The following COL4A2 variants were observed in gnomAD, a reference collection of about 807,000 sequenced individuals.
COL4A2 encodes collagen alpha-2(IV) chain.
A neutral mutation model predicts 200.2 loss-of-function variants in COL4A2; 99 were observed. The observed-to-expected ratio is 0.49, with a 90% CI of 0.42 to 0.58. The LOEUF is 0.58. Among genes scored for constraint, COL4A2 ranks in the 20% least tolerant of loss-of-function variants. COL4A2 has a pLI of 0.00. For synonymous variants in COL4A2, 897 were observed against 900.6 expected, an observed-to-expected ratio of 1.00 and a Z score of 0.07; for missense variants, 1,950 against 2,314.1, an observed-to-expected ratio of 0.84 and a Z score of 3.23.
chr13:110,444,474 A>T (rs767352309), intron 16 of COL4A2, among the ~76,000 whole-genome samples: 53 of 152,180 alleles, frequency 3.5e-4, no homozygotes, highest in Non-Finnish European at 3.1e-4. Flanking sequence ...AAAATCACAG[A>T]AGTTTGTCTT....
intron 34 of COL4A2, among the ~76,000 whole-genome samples, chr13:110,486,790 C>G (rs1016238354): frequency 6.6e-6 from 1 of 151,962 alleles, no homozygotes; most frequent in Non-Finnish European, 1.5e-5. Context: ...GAGTGGGGGT[C>G]ACAAGGTGCT....
chr13:110,509,185 A>G (rs1360064151), intron 47 of COL4A2, among the ~76,000 whole-genome samples: 1 of 148,966 alleles, frequency 6.7e-6, no homozygotes, highest in African/African-American at 2.5e-5. Flanking sequence ...TATATGCATT[A>G]TAACTGTCAT....
intron 26 of COL4A2, 56 bp from the exon 27 acceptor site, chr13:110,466,984 G>T (rs541012631): frequency 1.7e-5 from 28 of 1,611,298 alleles, no homozygotes; most frequent in Non-Finnish European, 2.3e-5. Context: ...CCCCAAGGCC[G>T]TGGGACTCAG....
chr13:110,448,737 G>A (rs1374042504), intron 18 of COL4A2, among the ~76,000 whole-genome samples: 4 of 152,230 alleles, frequency 2.6e-5, no homozygotes, highest in Non-Finnish European at 5.9e-5. Flanking sequence ...GCTAACAGGA[G>A]TGTAGGTCAC....
intron 40 of COL4A2, among the ~76,000 whole-genome samples, chr13:110,501,400 G>A (rs1883634765): frequency 6.6e-6 from 1 of 152,150 alleles, no homozygotes; most frequent in African/African-American, 2.4e-5. Context: ...GGGAAGTCGA[G>A]CACAGGCAGA....
chr13:110,498,899 C>T (rs990689956), intron 40 of COL4A2, among the ~76,000 whole-genome samples: 3 of 152,330 alleles, frequency 2.0e-5, no homozygotes, highest in East Asian at 3.9e-4. Context: ...AGCCACCGTG[C>T]GGCATGCTGA....
At chr13:110,371,587 A>G (rs1878010327) in intron 4 of COL4A2, among the ~76,000 whole-genome samples, 1 of 152,128 alleles carries the variant, frequency 6.6e-6, no homozygotes, top group Non-Finnish European at 1.5e-5. Context: ...ATTAGAAGAC[A>G]CTGTTGCTTT....
Position 110,444,645 on chromosome 13 carries a change from CAG to C in COL4A2, c.958-1180_958-1179del, listed in dbSNP as rs1881256312. Among the ~76,000 whole-genome samples, 3 of 152,300 alleles carry C rather than the reference CAG, an allele frequency of 2.0e-5. No individual in the cohort carries two copies. The East Asian group carries it at 5.8e-4, about 29-fold the overall frequency. ...GTGTCAAGATAACCTCGAAAGTAAT[CAG>C]AGAATGGACCTTTCTTATACCTGTG... On this transcript the variant is annotated intron_variant, in intron 16 of 47. Coordinates refer to ENST00000360467, the MANE Select transcript of COL4A2 (RefSeq NM_001846.4).
chr13:110,358,622 T>C (rs956482377), intron 4 of COL4A2, among the ~76,000 whole-genome samples: 2 of 152,174 alleles, frequency 1.3e-5, no homozygotes, highest in African/African-American at 4.8e-5. Context: ...CACAAACATG[T>C]GGGTTATGCG....
rs530895532 is a variant in COL4A2 at position 110,448,340 on chromosome 13, T to C, written c.1079-1339T>C. Reference sequence around the variant, plus strand: ...CTCCCTTCTCACCGTACTATATTCCTGGAATTCACACTGCAAAGGCGGGTG... The same window carrying C: ...CTCCCTTCTCACCGTACTATATTCCCGGAATTCACACTGCAAAGGCGGGTG... On this transcript the variant is annotated intron_variant, in intron 18 of 47. Transcript: ENST00000360467. 1.6e-4 allele frequency among the ~76,000 whole-genome samples: 24 copies of C among 152,364 alleles called. No individual in the cohort carries two copies. In the South Asian group the frequency reaches 4.3e-3, roughly 28 times the overall value.
intron 4 of COL4A2, among the ~76,000 whole-genome samples, chr13:110,406,865 G>T (rs1371500461): frequency 6.6e-6 from 1 of 152,164 alleles, no homozygotes; most frequent in African/African-American, 2.4e-5. Context: ...AACATTTGAG[G>T]ACTGGTAAAC....
intron 4 of COL4A2, among the ~76,000 whole-genome samples, chr13:110,420,612 A>C (rs1440814920): frequency 6.6e-6 from 1 of 152,228 alleles, no homozygotes; most frequent in African/African-American, 2.4e-5. Flanking sequence ...TTTTATTTTT[A>C]ATGTCACTTA....
chr13:110,316,086 A>C lies in COL4A2; in HGVS notation c.99+7963A>C, dbSNP rs551779392. ...GCATTTTTTCCTAGGGATTGTTTCA[A>C]CCCCACCCATAGAATTCCTGTTTTG... On this transcript the variant is annotated intron_variant, in intron 3 of 47. Transcript: ENST00000360467. Among the ~76,000 whole-genome samples, 3 of 152,108 alleles carry C rather than the reference A, an allele frequency of 2.0e-5. No individual in the cohort carries two copies. In the South Asian group the frequency reaches 6.2e-4, roughly 32 times the overall value.
intron 3 of COL4A2, among the ~76,000 whole-genome samples, chr13:110,322,801 T>C (rs1324612694): frequency 6.6e-6 from 1 of 152,186 alleles, no homozygotes; most frequent in Non-Finnish European, 1.5e-5. Context: ...CACAGGACCT[T>C]CACATAGATG....
chr13:110,323,701 G>A (rs1885336632), intron 3 of COL4A2, among the ~76,000 whole-genome samples: 1 of 152,206 alleles, frequency 6.6e-6, no homozygotes, highest in Non-Finnish European at 1.5e-5. Context: ...ACAGGCCCCA[G>A]GTGGCTCCCT....
intron 4 of COL4A2, among the ~76,000 whole-genome samples, chr13:110,418,237 T>C (rs369742038): frequency 7.2e-5 from 11 of 152,372 alleles, no homozygotes; most frequent in African/African-American, 2.4e-4. Flanking sequence ...TCTTTAGTAT[T>C]GAGTTTTGAG....
chr13:110,403,362 A>G (rs1879444964), intron 4 of COL4A2, among the ~76,000 whole-genome samples: 1 of 152,300 alleles, frequency 6.6e-6, no homozygotes, highest in South Asian at 2.1e-4. Flanking sequence ...TTGCTTAGAT[A>G]TTTCTTCTGC....
chr13:110,473,359 C>T (rs1882557444), intron 29 of COL4A2: 1 of 527,296 alleles, frequency 1.9e-6, no homozygotes, highest in Non-Finnish European at 3.3e-6. Context: ...TGCGATCTGG[C>T]CATCTGAGAA....
chr13:110,431,856 GAC>G (rs1460074808), intron 10 of COL4A2, among the ~76,000 whole-genome samples: 3 of 152,202 alleles, frequency 2.0e-5, no homozygotes, highest in Admixed American at 1.3e-4. Flanking sequence ...TCTGCAGAAA[GAC>G]ACACCATGAT....
Sources: allele counts gnomAD v4.1 joint callset (sites outside exome capture counted in the v4.1 genomes callset), GRCh38; gene constraint gnomAD v4.1.1; transcripts MANE v1.5; gene names NCBI Gene and HGNC (gene_info 2026-07-23, HGNC 2026-07-21).